FBN1: variants seen among roughly 807,000 people sequenced by gnomAD.
The protein encoded by FBN1 is fibrillin 1, also known as fibrillin-1.
A neutral mutation model predicts 365.1 loss-of-function variants in FBN1; 29 were observed. The observed-to-expected ratio is 0.08, with a 90% CI of 0.06 to 0.11. FBN1 has a LOEUF of 0.11. Among genes scored for constraint, FBN1 ranks in the 10% least tolerant of loss-of-function variants. The pLI, the probability that FBN1 is intolerant of heterozygous loss-of-function variation, is 1.00. For missense variants in FBN1, 2,476 were observed against 3,703.2 expected, an observed-to-expected ratio of 0.67 and a Z score of 8.60; for synonymous variants, 1,210 against 1,270.5, an observed-to-expected ratio of 0.95 and a Z score of 1.01.
At chr15:48,620,581 G>A (rs1403411940) in intron 2 of FBN1, among the ~76,000 whole-genome samples, 2 of 152,030 alleles carry the variant, frequency 1.3e-5, no homozygotes, top group Non-Finnish European at 2.9e-5. Flanking sequence ...TGTTTTGCAT[G>A]AGTGTTATTA....
rs1033383091 is a variant in FBN1 at position 48,533,993 on chromosome 15, G to A, written c.862+87C>T. ...GGATGACAAAGACAGAAGGATTTAG[G>A]AATAATTTGCAAACAAGCTTGTTTC... On this transcript the variant is annotated intron_variant, in intron 8 of 65. Coordinates refer to ENST00000316623, the MANE Select transcript of FBN1 (RefSeq NM_000138.5). 1.0e-5 allele frequency: 16 copies of A among 1,551,004 alleles called. No homozygotes were observed. The East Asian group carries it at 3.4e-4, about 33-fold the overall frequency.
chr15:48,473,558 A>T (rs1486084152), intron 34 of FBN1, among the ~76,000 whole-genome samples: 1 of 152,232 alleles, frequency 6.6e-6, no homozygotes, highest in East Asian at 1.9e-4. Context: ...ATTAGAGCCA[A>T]AAAGAAAATT....
At chr15:48,447,190 C>T (rs1452777349) in intron 46 of FBN1, among the ~76,000 whole-genome samples, 4 of 152,240 alleles carry the variant, frequency 2.6e-5, no homozygotes, top group East Asian at 3.9e-4. Context: ...TGAGGTGTTG[C>T]CACCTTTGGC....
intron 6 of FBN1, among the ~76,000 whole-genome samples, chr15:48,557,424 C>T (rs2044189829): frequency 6.6e-6 from 1 of 152,170 alleles, no homozygotes; most frequent in African/African-American, 2.4e-5. Flanking sequence ...CAACTGGTTT[C>T]CCCTGCAGAG....
intron 6 of FBN1, among the ~76,000 whole-genome samples, chr15:48,567,975 G>C (rs2044269477): frequency 9.6e-6 from 1 of 104,670 alleles, no homozygotes; most frequent in South Asian, 3.1e-4. Context: ...ATGATGCAAA[G>C]AAAAGAAATT....
At chr15:48,447,674 G>C (rs1410947994) in intron 46 of FBN1, among the ~76,000 whole-genome samples, 2 of 152,126 alleles carry the variant, frequency 1.3e-5, no homozygotes, top group East Asian at 1.9e-4. Flanking sequence ...ATGAGAGAGA[G>C]AGAGAGTGGA....
At chr15:48,446,423 G>A (rs972352898) in intron 47 of FBN1, among the ~76,000 whole-genome samples, 1 of 152,012 alleles carries the variant, frequency 6.6e-6, no homozygotes, top group African/African-American at 2.4e-5. Context: ...TAAACTTTAG[G>A]TATGTATGTG....
intron 62 of FBN1, 43 bp downstream of exon 62, chr15:48,421,515 A>C: frequency 2.5e-6 from 4 of 1,604,990 alleles, no homozygotes; most frequent in Non-Finnish European, 3.4e-6. Context: ...GGCCACCTCC[A>C]CAAGGATTCA....
At chr15:48,447,843 C>T (rs2141251310) in intron 46 of FBN1, among the ~76,000 whole-genome samples, 1 of 152,192 alleles carries the variant, frequency 6.6e-6, no homozygotes, top group South Asian at 2.1e-4. Flanking sequence ...AAGACTACAC[C>T]CAGATGAGTC....
intron 30 of FBN1, 130 bp downstream of exon 30, chr15:48,485,244 A>C (rs1029290447): frequency 2.4e-5 from 28 of 1,162,720 alleles, no homozygotes; most frequent in Admixed American, 1.3e-4. Flanking sequence ...TATCTTGATT[A>C]AGGATACAGT....
intron 4 of FBN1, among the ~76,000 whole-genome samples, chr15:48,606,650 T>C (rs2044613655): frequency 6.6e-6 from 1 of 152,232 alleles, no homozygotes; most frequent in Admixed American, 6.5e-5. Context: ...ATGGAAATGT[T>C]CTGCATCTTA....
intron 57 of FBN1, 197 bp downstream of exon 57, chr15:48,428,149 G>C: frequency 1.4e-6 from 1 of 713,946 alleles, no homozygotes; most frequent in Non-Finnish European, 2.4e-6. Flanking sequence ...GATCCAATTA[G>C]CAAAGGAAGA....
chr15:48,613,494 A>T (rs761379008), intron 2 of FBN1, among the ~76,000 whole-genome samples: 1 of 152,162 alleles, frequency 6.6e-6, no homozygotes, highest in Non-Finnish European at 1.5e-5. Flanking sequence ...GAAGCCATAT[A>T]TATATATATA....
At chr15:48,608,735 A>C (rs2044632743) in intron 4 of FBN1, among the ~76,000 whole-genome samples, 1 of 152,042 alleles carries the variant, frequency 6.6e-6, no homozygotes, top group Admixed American at 6.5e-5. Context: ...AGCACCACCC[A>C]CAGTCTTGGA....
At chr15:48,643,866 T>C (rs747649071) in intron 2 of FBN1, 1 of 152,204 alleles carries the variant, frequency 6.6e-6, no homozygotes, top group South Asian at 2.1e-4. Context: ...TAGTCAAGTC[T>C]AATTAAAATT....
intron 45 of FBN1, among the ~76,000 whole-genome samples, chr15:48,451,887 G>A (rs573769622): frequency 2.0e-5 from 3 of 152,210 alleles, no homozygotes; most frequent in East Asian, 1.9e-4. Flanking sequence ...TAACTTCACC[G>A]TACACTGAAG....
chr15:48,607,292 A>G (rs1451036027), intron 4 of FBN1, among the ~76,000 whole-genome samples: 1 of 150,606 alleles, frequency 6.6e-6, no homozygotes, highest in Admixed American at 6.6e-5. Context: ...TATAAACTAT[A>G]GGAAACAACT....
At chr15:48,487,289 G>T (rs1301991715) in intron 28 of FBN1, 23 bp downstream of exon 28, 1 of 1,614,210 alleles carries the variant, frequency 6.2e-7, no homozygotes, top group Non-Finnish European at 8.5e-7. Context: ...ACAAGTAAAT[G>T]GTGTGAAAGT....
rs141219664 is a variant in FBN1, at chr15:48,446,770, T to C, written c.5724A>G (p.Thr1908=). 4.8e-5 allele frequency: 78 copies of C among 1,613,388 alleles called. No homozygotes were observed. The Middle Eastern group carries it at 6.6e-4, about 14-fold the overall frequency. ...DACGNGTCRN[T]IGSFNCRCNH... ...TGCAGCGGCAGTTGAAGGAACCAAT[T>C]GTGTTCCGGCAAGTTCCATTCCCAC... is the stretch of plus-strand genomic sequence containing the variant. The change falls in exon 47 of 66, where the codon ACA becomes ACG. Residue 1908 remains threonine (T), a synonymous_variant. Transcript: ENST00000316623.
Sources: allele counts gnomAD v4.1 joint callset (sites outside exome capture counted in the v4.1 genomes callset), GRCh38; gene constraint gnomAD v4.1.1; transcripts MANE v1.5; gene names NCBI Gene and HGNC (gene_info 2026-07-23, HGNC 2026-07-21).